The following MTDH variants were observed in gnomAD, a reference collection of about 807,000 sequenced individuals.
MTDH encodes the protein metadherin.
A neutral mutation model predicts 72.7 loss-of-function variants in MTDH; 34 were observed. The observed-to-expected ratio is 0.47, with a 90% CI of 0.36 to 0.62. The LOEUF is 0.62. Among genes scored for constraint, MTDH ranks in the 20% least tolerant of loss-of-function variants. MTDH has a pLI of 0.00. For missense variants in MTDH, 677 were observed against 699.4 expected, an observed-to-expected ratio of 0.97 and a Z score of 0.36; for synonymous variants, 266 against 268.9, an observed-to-expected ratio of 0.99 and a Z score of 0.10.
intron 7 of MTDH, among the ~76,000 whole-genome samples, chr8:97,703,253 G>T (rs1469617186): frequency 2.0e-5 from 3 of 152,192 alleles, no homozygotes; most frequent in Non-Finnish European, 4.4e-5. Flanking sequence ...CAGCTACTCA[G>T]GAGTCTGAAG....
intron 6 of MTDH, among the ~76,000 whole-genome samples, chr8:97,694,293 G>A (rs1404149204): frequency 6.6e-6 from 1 of 151,894 alleles, no homozygotes; most frequent in Admixed American, 6.6e-5. Flanking sequence ...CGCCTCTCGG[G>A]TTCAAGCAAT....
chr8:97,722,690 T>C (rs1469674139), intron 10 of MTDH, among the ~76,000 whole-genome samples, 189 bp from the exon 11 acceptor site: 1 of 152,224 alleles, frequency 6.6e-6, no homozygotes, highest in Admixed American at 6.5e-5. Context: ...TCTCAACATA[T>C]ATTCATAAAT....
intron 10 of MTDH, 95 bp from the exon 11 acceptor site, chr8:97,722,784 A>T (rs779760263): frequency 1.0e-4 from 130 of 1,266,900 alleles, no homozygotes; most frequent in South Asian, 6.0e-4. Context: ...ATTAGTATTG[A>T]ATTGCTGCTA....
chr8:97,660,372 C>T lies in MTDH; in HGVS notation c.382-700C>T, dbSNP rs933688692. On this transcript the variant is annotated intron_variant, in intron 1 of 11. Coordinates refer to ENST00000336273, the MANE Select transcript of MTDH (RefSeq NM_178812.4). ...CCATGAAATTACAGAATTAGAGGTT[C>T]CATTAGAGATTGCCTAACATTCATT... 4.6e-5 allele frequency among the ~76,000 whole-genome samples: 7 copies of T among 152,110 alleles called. No homozygotes were observed. The South Asian group carries it at 1.5e-3, about 32-fold the overall frequency.
intron 2 of MTDH, among the ~76,000 whole-genome samples, chr8:97,669,195 C>A (rs1402470257): frequency 6.6e-6 from 1 of 152,152 alleles, no homozygotes; most frequent in Non-Finnish European, 1.5e-5. Context: ...GTTTCTCAAG[C>A]TGGAGTACAG....
intron 7 of MTDH, among the ~76,000 whole-genome samples, chr8:97,702,266 A>G (rs1034901823): frequency 1.3e-5 from 2 of 152,218 alleles, no homozygotes; most frequent in African/African-American, 4.8e-5. Flanking sequence ...CTTGGCACAC[A>G]GGGGTGAATG....
intron 1 of MTDH, among the ~76,000 whole-genome samples, chr8:97,660,038 AATCTCAGCTACTCAGGAG>A (rs1812118715): frequency 1.3e-5 from 2 of 152,282 alleles, no homozygotes; most frequent in African/African-American, 4.8e-5. Flanking sequence ...ATGCACCTGT[AATCTCAGCTACTCAGGAG>A]GCTGAGGCAG....
At chr8:97,677,143 A>AC (rs1387710258) in intron 2 of MTDH, among the ~76,000 whole-genome samples, 2 of 118,660 alleles carry the variant, frequency 1.7e-5, no homozygotes, top group Non-Finnish European at 3.2e-5. Flanking sequence ...TGATCACACC[A>AC]CTGCACTCCA....
chr8:97,711,976 T>C (rs540749015), intron 8 of MTDH, among the ~76,000 whole-genome samples: 1 of 152,164 alleles, frequency 6.6e-6, no homozygotes, highest in Non-Finnish European at 1.5e-5. Flanking sequence ...TACAGAACAT[T>C]TATCGTTTCA....
chr8:97,660,015 C>T lies in MTDH; in HGVS notation c.382-1057C>T, dbSNP rs112469680. Among the ~76,000 whole-genome samples the T allele has an allele frequency of 9.2e-5, 14 of 152,136 alleles. 1 individual carries two copies. Among genetic ancestry groups the T allele is most frequent in the African/African-American group, 3.1e-4 (13 of 41,508 alleles). ...CTCTACTAAAAATACAAAAATTAGCCGGGCGTGGTGGCATGCACCTGTAAT... is the reference window on the plus strand; with the variant it reads ...CTCTACTAAAAATACAAAAATTAGCTGGGCGTGGTGGCATGCACCTGTAAT... On this transcript the variant is annotated intron_variant, in intron 1 of 11. Coordinates refer to ENST00000336273, the MANE Select transcript of MTDH (RefSeq NM_178812.4).
intron 6 of MTDH, chr8:97,696,286 T>C: frequency 2.0e-6 from 2 of 985,250 alleles, no homozygotes; most frequent in Non-Finnish European, 2.4e-6. Context: ...TTAACTCTGC[T>C]GTTTCTGGTA....
At chr8:97,647,693 T>C (rs934430672) in intron 1 of MTDH, among the ~76,000 whole-genome samples, 1 of 152,222 alleles carries the variant, frequency 6.6e-6, no homozygotes, top group African/African-American at 2.4e-5. Flanking sequence ...GTATCTTGTT[T>C]ACAAATTGGA....
At chr8:97,678,622 A>C (rs1812951130) in intron 2 of MTDH, among the ~76,000 whole-genome samples, 2 of 59,100 alleles carry the variant, frequency 3.4e-5, no homozygotes, top group Non-Finnish European at 6.1e-5. Flanking sequence ...TTTTTTTGAG[A>C]GAGAGACAGA....
At chr8:97,722,595 C>A (rs1481920734) in intron 10 of MTDH, among the ~76,000 whole-genome samples, 1 of 152,036 alleles carries the variant, frequency 6.6e-6, no homozygotes, top group African/African-American at 2.4e-5. Context: ...GAGTGAGACT[C>A]CACCTCAAAA....
At position 97,718,191 on chromosome 8, in the gene MTDH, C is replaced by T. The variant is rs182765005; in HGVS notation, c.1381-858C>T. ...CCAAATAGCTGGGATTACAGGCGTG[C>T]GCCACCACACCCAGCTAATTTTTGT... is the stretch of plus-strand genomic sequence containing the variant. On this transcript the variant is annotated intron_variant, in intron 9 of 11. Coordinates refer to ENST00000336273, the MANE Select transcript of MTDH (RefSeq NM_178812.4). Among the ~76,000 whole-genome samples, 1,220 of 151,410 alleles carry T rather than the reference C, an allele frequency of 8.1e-3. 10 individuals carry two copies. The highest frequency in any genetic ancestry group is 0.014 in the South Asian group (68 of 4,772).
Position 97,650,664 on chromosome 8 carries a change from T to C in MTDH, c.381+5777T>C, listed in dbSNP as rs557125487. 6.6e-5 allele frequency among the ~76,000 whole-genome samples: 10 copies of C among 152,296 alleles called. No individual in the cohort carries two copies. The East Asian group carries it at 1.2e-3, about 18-fold the overall frequency. On this transcript the variant is annotated intron_variant, in intron 1 of 11. Transcript: ENST00000336273. ...TTCCCTAGCTCCTCAGCTAGAGTTA[T>C]ATATTGTAACACCTAGCATAATGTT...
Position 97,729,467 on chromosome 8 carries a change from G to T in MTDH, c.*4797G>T, listed in dbSNP as rs552515903. On this transcript the variant is annotated 3_prime_UTR_variant, in exon 12 of 12. Transcript: ENST00000336273. ...GGCCAAATTAACATTTTGAGATTCT[G>T]TTAGGAAGATGAGAATTGGATAATG... Among the ~76,000 whole-genome samples, 1 of 152,222 alleles carries T rather than the reference G, an allele frequency of 6.6e-6. No homozygotes were observed. Among genetic ancestry groups the T allele is most frequent in the African/African-American group, 2.4e-5 (1 of 41,560 alleles).
chr8:97,659,985 C>A (rs763190740), intron 1 of MTDH, among the ~76,000 whole-genome samples: 5 of 152,054 alleles, frequency 3.3e-5, no homozygotes, highest in Non-Finnish European at 5.9e-5. Flanking sequence ...ATGGTGAAAC[C>A]CTGTCTCTAC....
In MTDH at chr8:97,655,617, C is replaced by T. The variant is rs551867858; in HGVS notation, c.382-5455C>T. Among the ~76,000 whole-genome samples, 13 of 152,190 alleles carry T rather than the reference C, an allele frequency of 8.5e-5. No individual in the cohort carries two copies. The South Asian group carries it at 1.0e-3, about 12-fold the overall frequency. On this transcript the variant is annotated intron_variant, in intron 1 of 11. Transcript: ENST00000336273. ...TAAAAAAATGGCCCAAATGCTTGAA[C>T]GTGGGAATAAAGGGCATAGGCCATC...
Sources: gnomAD v4.1 joint callset for allele counts (sites outside exome capture counted in the v4.1 genomes callset) on GRCh38, gnomAD v4.1.1 for gene constraint, MANE v1.5 for transcripts, NCBI Gene and HGNC (gene_info 2026-07-23, HGNC 2026-07-21) for gene names.